CPNE8: variants seen among roughly 807,000 people sequenced by gnomAD.
CPNE8 encodes copine 8, also known as copine-8.
CPNE8 carries 45 observed loss-of-function variants against 81.5 expected under a neutral mutation model. The ratio of observed to expected loss-of-function variants is 0.55; its 90% CI spans 0.44 to 0.71. The LOEUF (loss-of-function observed/expected upper bound fraction) is 0.71. Among genes scored for constraint, CPNE8 ranks in the 30% least tolerant of loss-of-function variants. The pLI, the probability that CPNE8 is intolerant of heterozygous loss-of-function variation, is 0.00. For synonymous variants in CPNE8, 252 were observed against 226.3 expected (o/e 1.11, Z -1.02); for missense variants, 594 against 672.1 (o/e 0.88, Z 1.28).
At chr12:38,880,817 T>A (rs1944141533) in intron 1 of CPNE8, among the ~76,000 whole-genome samples, 1 of 151,968 alleles carries the variant, frequency 6.6e-6, no homozygotes, top group South Asian at 2.1e-4. Flanking sequence ...CCCTGAGAAA[T>A]TTAACATAAC....
chr12:38,773,843 C>T (rs527503450), intron 7 of CPNE8, among the ~76,000 whole-genome samples: 175 of 152,050 alleles, frequency 1.2e-3, no homozygotes, highest in Non-Finnish European at 2.0e-3. Flanking sequence ...TAATGAAATA[C>T]TATTTCAAGT....
At chr12:38,872,832 C>T (rs1944011839) in intron 3 of CPNE8, among the ~76,000 whole-genome samples, 172 bp downstream of exon 3, 1 of 152,150 alleles carries the variant, frequency 6.6e-6, no homozygotes. Flanking sequence ...ATCAGCTAAA[C>T]ATTCACTGTT....
chr12:38,683,848 T>C (rs1939466801), intron 16 of CPNE8, among the ~76,000 whole-genome samples: 1 of 152,134 alleles, frequency 6.6e-6, no homozygotes, highest in Non-Finnish European at 1.5e-5. Flanking sequence ...GGTGCTCCTA[T>C]ATTCAAGAAC....
At chr12:38,889,911 T>G (rs1020974963) in intron 1 of CPNE8, among the ~76,000 whole-genome samples, 3 of 152,188 alleles carry the variant, frequency 2.0e-5, no homozygotes, top group Non-Finnish European at 4.4e-5. Context: ...CTTAGTCCCT[T>G]GTAGGAAAGC....
At position 38,653,620 on chromosome 12, in the gene CPNE8, A is replaced by AAAAAAAAAAAAAG. The variant is rs962615624; in HGVS notation, c.*261_*262insCTTTTTTTTTTTT. On this transcript the variant is annotated 3_prime_UTR_variant, in exon 20 of 20. Coordinates refer to ENST00000331366, the MANE Select transcript of CPNE8 (RefSeq NM_153634.3). ...ATTGGAAATTAGCTGTTTCTGTTAA[A>AAAAAAAAAAAAAG]AAAAAAAAGAAAGAAAGATTTAGAG... The AAAAAAAAAAAAAG allele has an allele frequency of 3.1e-3, 861 of 274,408 alleles. 7 individuals are homozygous for AAAAAAAAAAAAAG. Among genetic ancestry groups the AAAAAAAAAAAAAG allele is most frequent in the African/African-American group, 0.018 (824 of 46,442 alleles). 17.0% of individuals were successfully genotyped at this position (274,408 alleles called of 1,614,324 possible).
intron 7 of CPNE8, among the ~76,000 whole-genome samples, chr12:38,772,548 A>G (rs1012304854): frequency 6.6e-6 from 1 of 152,220 alleles, no homozygotes; most frequent in Non-Finnish European, 1.5e-5. Flanking sequence ...AGAGAAATGC[A>G]AATCCATACA....
intron 16 of CPNE8, among the ~76,000 whole-genome samples, chr12:38,684,778 C>G (rs987807971): frequency 2.6e-5 from 4 of 152,044 alleles, no homozygotes; most frequent in African/African-American, 9.7e-5. Context: ...AAAGGATATG[C>G]AATTTCTAAT....
intron 13 of CPNE8, among the ~76,000 whole-genome samples, chr12:38,710,795 G>C (rs1294289125): frequency 6.6e-6 from 1 of 152,178 alleles, no homozygotes; most frequent in Non-Finnish European, 1.5e-5. Context: ...TGTCTGTACA[G>C]AACTCAAATA....
intron 6 of CPNE8, among the ~76,000 whole-genome samples, chr12:38,819,638 GC>G (rs1345344180): frequency 1.3e-5 from 2 of 151,758 alleles, no homozygotes; most frequent in Non-Finnish European, 2.9e-5. Context: ...GTGATGGCGG[GC>G]GCCTGTAGTC....
At chr12:38,892,152 T>C (rs1181409068) in intron 1 of CPNE8, among the ~76,000 whole-genome samples, 1 of 151,974 alleles carries the variant, frequency 6.6e-6, no homozygotes, top group Non-Finnish European at 1.5e-5. Context: ...TGTAGGAAAG[T>C]GTCAACAAGG....
At chr12:38,855,844 T>C (rs1468344711) in intron 3 of CPNE8, among the ~76,000 whole-genome samples, 1 of 152,024 alleles carries the variant, frequency 6.6e-6, no homozygotes, top group African/African-American at 2.4e-5. Flanking sequence ...ATATATAATA[T>C]GCAATTATTG....
intron 5 of CPNE8, among the ~76,000 whole-genome samples, chr12:38,833,678 C>T (rs553521845): frequency 1.3e-5 from 2 of 152,028 alleles, no homozygotes; most frequent in South Asian, 4.2e-4. Flanking sequence ...CGGGGTTTCA[C>T]CGTGTTAGCC....
chr12:38,677,972 C>G (rs1939329584), intron 16 of CPNE8, among the ~76,000 whole-genome samples: 1 of 151,978 alleles, frequency 6.6e-6, no homozygotes, highest in Non-Finnish European at 1.5e-5. Flanking sequence ...CATCTTTATA[C>G]TGCTGCATGA....
At chr12:38,659,522 G>T (rs1380743417) in intron 19 of CPNE8, among the ~76,000 whole-genome samples, 2 of 152,148 alleles carry the variant, frequency 1.3e-5, no homozygotes, top group African/African-American at 4.8e-5. Flanking sequence ...TACAGGAACT[G>T]AACTCAGCTC....
rs564524174 is a variant in CPNE8, at chr12:38,810,303, G to A, written c.407+19076C>T. ...ACTATCTCTATTTATTTTCTTCTGA[G>A]ATAGTTGAGAGTGTCTAGAGATCAC... On this transcript the variant is annotated intron_variant, in intron 6 of 19. Coordinates refer to ENST00000331366, the MANE Select transcript of CPNE8 (RefSeq NM_153634.3). 2.0e-5 allele frequency among the ~76,000 whole-genome samples: 3 copies of A among 152,268 alleles called. No individual in the cohort carries two copies. The East Asian group carries it at 5.8e-4, about 29-fold the overall frequency.
intron 10 of CPNE8, among the ~76,000 whole-genome samples, chr12:38,752,287 A>G (rs1357914275): frequency 6.6e-6 from 1 of 152,202 alleles, no homozygotes; most frequent in East Asian, 1.9e-4. Flanking sequence ...TTCGGGTTGT[A>G]GTAATGCCTA....
chr12:38,746,524 A>G (rs1211531189), intron 10 of CPNE8, among the ~76,000 whole-genome samples: 1 of 152,232 alleles, frequency 6.6e-6, no homozygotes, highest in African/African-American at 2.4e-5. Flanking sequence ...TTGAACGACT[A>G]AATATCATTT....
chr12:38,685,754 T>G (rs1012569459), intron 15 of CPNE8, 137 bp from the exon 16 acceptor site: 5 of 748,016 alleles, frequency 6.7e-6, no homozygotes, highest in African/African-American at 1.8e-5. Flanking sequence ...AAATTTACAA[T>G]AGCAAAAAAA....
chr12:38,725,932 C>T (rs1940685739), intron 11 of CPNE8, among the ~76,000 whole-genome samples: 2 of 152,176 alleles, frequency 1.3e-5, no homozygotes, highest in Admixed American at 1.3e-4. Flanking sequence ...TCATGGAAGA[C>T]AGTTTCCCCA....
Sources: allele counts gnomAD v4.1 joint callset (sites outside exome capture counted in the v4.1 genomes callset), GRCh38; gene constraint gnomAD v4.1.1; transcripts MANE v1.5; gene names NCBI Gene and HGNC (gene_info 2026-07-23, HGNC 2026-07-21).